The following CCDC171 variants were observed in gnomAD, a reference collection of about 807,000 sequenced individuals.
CCDC171 encodes the protein coiled-coil domain-containing protein 171.
CCDC171 carries 177 observed loss-of-function variants against 168.2 expected under a neutral mutation model. That is an observed-to-expected ratio of 1.05 (90% CI 0.93 to 1.19). The LOEUF (loss-of-function observed/expected upper bound fraction) is 1.19. Among genes scored for constraint, CCDC171 ranks in the 50% most tolerant of loss-of-function variants. The probability of loss-of-function intolerance (pLI) is 0.00; values close to 1 mark genes in which losing one functional copy is unlikely to be tolerated. For missense variants in CCDC171, 1,991 were observed against 1,539.0 expected, an observed-to-expected ratio of 1.29 and a Z score of -4.91; for synonymous variants, 687 against 540.8, an observed-to-expected ratio of 1.27 and a Z score of -3.75.
intron 21 of CCDC171, among the ~76,000 whole-genome samples, chr9:15,788,563 A>G (rs1213357362): frequency 6.6e-6 from 1 of 151,408 alleles, no homozygotes; most frequent in African/African-American, 2.4e-5. Context: ...CATTTTGGGA[A>G]TTTTGTTTTA....
At chr9:15,692,707 T>G (rs1240895154) in intron 10 of CCDC171, among the ~76,000 whole-genome samples, 1 of 151,700 alleles carries the variant, frequency 6.6e-6, no homozygotes, top group Non-Finnish European at 1.5e-5. Context: ...TTTTGTATAT[T>G]TAGTAGAGAC....
intron 3 of CCDC171, among the ~76,000 whole-genome samples, chr9:15,576,233 G>A (rs1017506557): frequency 5.3e-5 from 8 of 151,638 alleles, no homozygotes; most frequent in African/African-American, 1.5e-4. Flanking sequence ...GTCCAGGCTT[G>A]CATGCAGTGA....
intron 20 of CCDC171, among the ~76,000 whole-genome samples, chr9:15,779,713 T>C (rs2057557579): frequency 6.6e-6 from 1 of 152,222 alleles, no homozygotes; most frequent in South Asian, 2.1e-4. Context: ...TAGTATGAAA[T>C]CAAATTGCTT....
the CCDC171 span, among the ~76,000 whole-genome samples, chr9:16,100,415 G>A: frequency 2.0e-5 from 3 of 152,098 alleles, no homozygotes; most frequent in Non-Finnish European, 4.4e-5. Flanking sequence ...GATAAAGGGT[G>A]GGGGGTCTGG....
chr9:16,012,957 CCA>C (rs555504940), intron 3 of CCDC171, among the ~76,000 whole-genome samples: 79 of 152,248 alleles, frequency 5.2e-4, no homozygotes, highest in African/African-American at 1.8e-3. Context: ...ACACCAGCTA[CCA>C]CAGTTTTCCT....
chr9:15,880,473 T>TA (rs1207173667), intron 24 of CCDC171, among the ~76,000 whole-genome samples: 15 of 151,762 alleles, frequency 9.9e-5, no homozygotes, highest in Non-Finnish European at 2.1e-4. Context: ...CTTTTTTTTT[T>TA]TTTGAGACGG....
chr9:15,843,923 C>T (rs546105444), intron 21 of CCDC171, among the ~76,000 whole-genome samples: 5 of 152,112 alleles, frequency 3.3e-5, no homozygotes, highest in Admixed American at 2.0e-4. Flanking sequence ...TTGATTATCT[C>T]GCTGTTCCAG....
At chr9:15,735,595 T>A (rs1182047980) in intron 16 of CCDC171, among the ~76,000 whole-genome samples, 1 of 152,208 alleles carries the variant, frequency 6.6e-6, no homozygotes, top group Admixed American at 6.5e-5. Flanking sequence ...ATTTTATTCT[T>A]CTTTTACTGT....
intron 25 of CCDC171, among the ~76,000 whole-genome samples, chr9:15,955,495 T>C (rs547075511): frequency 6.6e-6 from 1 of 152,306 alleles, no homozygotes; most frequent in East Asian, 1.9e-4. Flanking sequence ...CTGCAAGTTA[T>C]GTGCAAGCTG....
chr9:15,817,035 G>A (rs1478807302), intron 21 of CCDC171, among the ~76,000 whole-genome samples: 1 of 118,110 alleles, frequency 8.5e-6, no homozygotes, highest in East Asian at 2.1e-4. Context: ...TTTCCTTAAG[G>A]CTGTGGATGT....
At chr9:16,001,872 C>G (rs952104784) in intron 3 of CCDC171, among the ~76,000 whole-genome samples, 11 of 141,230 alleles carry the variant, frequency 7.8e-5, no homozygotes, top group Non-Finnish European at 1.4e-4. Context: ...GTGTCTCGCT[C>G]TGTCACCCAG....
At chr9:15,779,675 T>C (rs557872854) in intron 20 of CCDC171, among the ~76,000 whole-genome samples, 1 of 152,202 alleles carries the variant, frequency 6.6e-6, no homozygotes, top group African/African-American at 2.4e-5. Context: ...TCTTCTTATA[T>C]TGAATATTTT....
At chr9:15,722,073 C>G (rs1588140532) in intron 12 of CCDC171, among the ~76,000 whole-genome samples, 198 bp downstream of exon 12, 1 of 152,276 alleles carries the variant, frequency 6.6e-6, no homozygotes, top group South Asian at 2.1e-4. Flanking sequence ...TTTTGTAACT[C>G]TTCAGTCACA....
Position 15,623,247 on chromosome 9 carries a change from A to T in CCDC171, c.676-20A>T. The T allele has an allele frequency of 6.5e-7, 1 of 1,540,682 alleles. No individual in the cohort carries two copies. Reference sequence around the variant, plus strand: ...GATGGCTTATAAACTTTATTGATGCAAAAATGAATTATTTTCCAGGAGCAA... The same window carrying T: ...GATGGCTTATAAACTTTATTGATGCTAAAATGAATTATTTTCCAGGAGCAA... On this transcript the variant is annotated intron_variant, in intron 6 of 25. Transcript: ENST00000380701.
In CCDC171 at chr9:15,819,913, A is replaced by G. The variant is rs1262826156; in HGVS notation, c.3268-26789A>G. On this transcript the variant is annotated intron_variant, in intron 21 of 25. Coordinates refer to ENST00000380701, the MANE Select transcript of CCDC171 (RefSeq NM_173550.4). ...TTCTTTTCAGCACCACACCACACCT[A>G]TTCCAAAATTGACCACATAGTTGGA... Among the ~76,000 whole-genome samples, 13 of 117,968 alleles carry G rather than the reference A, an allele frequency of 1.1e-4. 3 individuals carry two copies. The East Asian group carries it at 1.9e-3, about 17-fold the overall frequency. 77.4% of individuals were successfully genotyped at this position (117,968 alleles called of 152,430 possible).
At chr9:15,688,409 A>G (rs1219933252) in intron 10 of CCDC171, among the ~76,000 whole-genome samples, 2 of 152,136 alleles carry the variant, frequency 1.3e-5, no homozygotes, top group Non-Finnish European at 2.9e-5. Context: ...AACCAAATAT[A>G]CTGAAAGAAA....
At chr9:15,747,865 C>T (rs2055413888) in intron 18 of CCDC171, among the ~76,000 whole-genome samples, 2 of 152,154 alleles carry the variant, frequency 1.3e-5, no homozygotes, top group African/African-American at 2.4e-5. Context: ...CAACTCCTCA[C>T]CAGCAAGGGA....
intron 7 of CCDC171, among the ~76,000 whole-genome samples, chr9:15,651,848 G>GTTTA (rs569098588): frequency 2.0e-5 from 3 of 151,036 alleles, no homozygotes; most frequent in Non-Finnish European, 4.4e-5. Flanking sequence ...TTGTTTGTTT[G>GTTTA]TTTATTTATG....
At chr9:15,855,991 C>T (rs1017521507) in intron 23 of CCDC171, among the ~76,000 whole-genome samples, 4 of 151,868 alleles carry the variant, frequency 2.6e-5, no homozygotes, top group East Asian at 1.9e-4. Flanking sequence ...TATTTCCCTA[C>T]GTAGTTACCT....
Sources: allele counts gnomAD v4.1 joint callset (sites outside exome capture counted in the v4.1 genomes callset), GRCh38; gene constraint gnomAD v4.1.1; transcripts MANE v1.5; gene names NCBI Gene and HGNC (gene_info 2026-07-23, HGNC 2026-07-21).